The following SH3KBP1 variants were observed in gnomAD, a reference collection of about 807,000 sequenced individuals.
The protein encoded by SH3KBP1 is SH3 domain-containing kinase-binding protein 1.
SH3KBP1 carries 8 observed loss-of-function variants against 50.1 expected under a neutral mutation model. That is an observed-to-expected ratio of 0.16 (90% CI 0.09 to 0.29). The LOEUF (loss-of-function observed/expected upper bound fraction) is 0.29, where lower values mean the gene tolerates loss of function less well. SH3KBP1 is among the 10% of genes least tolerant of loss of function. The pLI, the probability that SH3KBP1 is intolerant of heterozygous loss-of-function variation, is 1.00. For synonymous variants in SH3KBP1, 227 were observed against 218.6 expected (o/e 1.04, Z -0.34); for missense variants, 377 against 535.2 (o/e 0.70, Z 2.92).
chrX:19,849,586 G>A (rs1353669821), intron 1 of SH3KBP1, among the ~76,000 whole-genome samples: 1 of 108,170 alleles, frequency 9.2e-6, no homozygotes, highest in African/African-American at 3.4e-5. Context: ...CTACTTAGGC[G>A]GCTGAGGCAG....
At chrX:19,653,611 T>C (rs1025909715) in intron 6 of SH3KBP1, among the ~76,000 whole-genome samples, 3 of 110,192 alleles carry the variant, frequency 2.7e-5, no homozygotes, top group African/African-American at 9.9e-5. Flanking sequence ...CTCAGGAGGC[T>C]GAGGCAGGAG....
At chrX:19,679,228 ATTATTGT>A (rs1432265176) in intron 6 of SH3KBP1, among the ~76,000 whole-genome samples, 1 of 111,369 alleles carries the variant, frequency 9.0e-6, no homozygotes, top group African/African-American at 3.3e-5. Context: ...ATACTCTATT[ATTATTGT>A]TTATTTACTT....
chrX:19,650,563 A>T (rs1239392909), intron 6 of SH3KBP1, among the ~76,000 whole-genome samples: 1 of 112,200 alleles, frequency 8.9e-6, no homozygotes, highest in Non-Finnish European at 1.9e-5. Flanking sequence ...ATTCAAGATG[A>T]GATTTGGGTG....
At chrX:19,665,394 C>T (rs1157596865) in intron 6 of SH3KBP1, among the ~76,000 whole-genome samples, 1 of 112,095 alleles carries the variant, frequency 8.9e-6, no homozygotes, top group Non-Finnish European at 1.9e-5. Context: ...TGAGGTGACA[C>T]TTCTGAGTCA....
intron 9 of SH3KBP1, 114 bp downstream of exon 9, chrX:19,607,824 G>A: frequency 1.7e-6 from 1 of 586,437 alleles, no homozygotes; most frequent in Non-Finnish European, 2.9e-6. Flanking sequence ...TCAGAATCTG[G>A]GTCTGTTGAA....
chrX:19,536,607 G>A, intron 17 of SH3KBP1, 149 bp from the exon 18 acceptor site: 1 of 372,098 alleles, frequency 2.7e-6, no homozygotes, highest in East Asian at 4.3e-5. Flanking sequence ...ACAATCAACA[G>A]CAATGCCAGA....
rs1367902585 is a variant in SH3KBP1, at chrX:19,584,197, AAT to A, written c.1298+4444_1298+4445del. 1.5e-3 allele frequency among the ~76,000 whole-genome samples: 136 copies of A among 93,709 alleles called. 1 individual carries two copies. The highest frequency in any genetic ancestry group is 5.1e-3 in the African/African-American group (130 of 25,590). The allele number at this position is 93,709 out of a possible 115,157, so 81.4% of individuals were successfully genotyped here. ...TATATATAATATATTTATATTTATA[AAT>A]ATATGTCAATATATATTTATATTTA... On this transcript the variant is annotated intron_variant, in intron 12 of 17. Coordinates refer to ENST00000397821, the MANE Select transcript of SH3KBP1 (RefSeq NM_031892.3).
chrX:19,791,235 A>G (rs920241004), intron 2 of SH3KBP1, among the ~76,000 whole-genome samples: 1 of 111,514 alleles, frequency 9.0e-6, no homozygotes, highest in African/African-American at 3.3e-5. Context: ...TATTGCTGGT[A>G]GAAGGGCAAT....
At chrX:19,882,237 G>C (rs1672289596) in intron 1 of SH3KBP1, among the ~76,000 whole-genome samples, 1 of 111,345 alleles carries the variant, frequency 9.0e-6, no homozygotes, top group South Asian at 3.8e-4. Context: ...CAGTGTAGTG[G>C]TCAGAATAAC....
chrX:19,732,894 G>A (rs958626468), intron 3 of SH3KBP1, among the ~76,000 whole-genome samples: 2 of 111,574 alleles, frequency 1.8e-5, no homozygotes, highest in Non-Finnish European at 3.8e-5. Flanking sequence ...ATTTACAAAA[G>A]CCAACAATAA....
At chrX:19,717,785 C>T (rs1170068899) in intron 3 of SH3KBP1, among the ~76,000 whole-genome samples, 3 of 111,387 alleles carry the variant, frequency 2.7e-5, no homozygotes, top group East Asian at 2.8e-4. Context: ...CTCTTACAAA[C>T]GTATGGCCCC....
chrX:19,671,022 C>A, intron 6 of SH3KBP1: 1 of 1,050,449 alleles, frequency 9.5e-7, no homozygotes, highest in Non-Finnish European at 1.2e-6. Context: ...GAACAAAGCT[C>A]GCATTTGTTT....
rs199561036 is a variant in SH3KBP1, at chrX:19,541,941, T to A, written c.1876A>T (p.Met626Leu). Residue 626 changes from methionine (M) to leucine (L), a missense_variant, in exon 16 of 18, where the codon ATG becomes TTG. By Grantham distance (15) the Met-to-Leu change is conservative (BLOSUM62 2). Transcript: ENST00000397821. ...VRELRSIIETMKDQQKREIKQ... is the reference protein window; with the variant it reads ...VRELRSIIETLKDQQKREIKQ... ...GGCACTCACTTCTGCTGGTCCTTCA[T>A]GGTCTCGATGATGCTCCTCAGCTCG... 108 of 1,207,089 alleles carry A rather than the reference T, an allele frequency of 8.9e-5. No individual in the cohort carries two copies. The highest frequency in any genetic ancestry group is 1.2e-4 in the Non-Finnish European group (104 of 893,696).
At chrX:19,596,347 C>A (rs760943419) in intron 9 of SH3KBP1, among the ~76,000 whole-genome samples, 4 of 111,801 alleles carry the variant, frequency 3.6e-5, no homozygotes, top group African/African-American at 1.3e-4. Flanking sequence ...AAGCAATGTA[C>A]GTACCTTAAT....
chrX:19,865,314 T>C (rs1252067545), intron 1 of SH3KBP1, among the ~76,000 whole-genome samples: 1 of 112,236 alleles, frequency 8.9e-6, no homozygotes, highest in African/African-American at 3.2e-5. Context: ...GTTCTTCTGG[T>C]TGTTTGGCTG....
intron 13 of SH3KBP1, among the ~76,000 whole-genome samples, chrX:19,567,533 A>T (rs2065880654): frequency 1.7e-5 from 1 of 59,019 alleles, no homozygotes; most frequent in African/African-American, 8.8e-5. Flanking sequence ...AAAAAAAAAA[A>T]AAAAAAAAAA....
intron 1 of SH3KBP1, among the ~76,000 whole-genome samples, chrX:19,886,074 G>A (rs149370889): frequency 6.5e-4 from 73 of 112,183 alleles, no homozygotes; most frequent in Middle Eastern, 4.6e-3. Flanking sequence ...TAGACTACAG[G>A]TGGGAGAGAA....
chrX:19,886,431 T>C (rs1409857343), intron 1 of SH3KBP1, among the ~76,000 whole-genome samples: 1 of 111,695 alleles, frequency 9.0e-6, no homozygotes, highest in African/African-American at 3.3e-5. Context: ...GACCAAACAT[T>C]TAATAGCCCA....
chrX:19,834,757 T>C (rs1348450063), intron 2 of SH3KBP1, among the ~76,000 whole-genome samples: 1 of 111,610 alleles, frequency 9.0e-6, no homozygotes, highest in Admixed American at 9.5e-5. Context: ...GAGCTGGGCA[T>C]GGTGGCTCAC....
Sources: gnomAD v4.1 joint callset for allele counts (sites outside exome capture counted in the v4.1 genomes callset) on GRCh38, gnomAD v4.1.1 for gene constraint, MANE v1.5 for transcripts, NCBI Gene and HGNC (gene_info 2026-07-23, HGNC 2026-07-21) for gene names.